The following VPS35L variants were observed in gnomAD, a reference collection of about 807,000 sequenced individuals.
VPS35L encodes the protein VPS35 endosomal protein-sorting factor-like.
A neutral mutation model predicts 133.0 loss-of-function variants in VPS35L; 83 were observed. The observed-to-expected ratio is 0.62, with a 90% CI of 0.52 to 0.75. The LOEUF (loss-of-function observed/expected upper bound fraction) is 0.75, where lower values mean the gene tolerates loss of function less well. Ranked by LOEUF, VPS35L falls within the 30% of genes least tolerant of loss-of-function variation. The pLI is 0.00. For missense variants in VPS35L, 1,083 were observed against 1,206.8 expected, an observed-to-expected ratio of 0.90 and a Z score of 1.52; for synonymous variants, 423 against 449.9, an observed-to-expected ratio of 0.94 and a Z score of 0.76.
intron 27 of VPS35L, among the ~76,000 whole-genome samples, chr16:19,680,426 A>C (rs772632228): frequency 1.3e-5 from 2 of 152,192 alleles, no homozygotes; most frequent in Non-Finnish European, 2.9e-5. Context: ...TGGAGGCGCC[A>C]TTAACAGAAT....
chr16:19,680,916 C>T (rs1043642623), intron 27 of VPS35L, among the ~76,000 whole-genome samples: 1 of 109,668 alleles, frequency 9.1e-6, no homozygotes, highest in African/African-American at 4.3e-5. Context: ...CAGAACCCGC[C>T]CCCCCCCTAA....
At chr16:19,589,838 T>A (rs2151526110) in intron 7 of VPS35L, among the ~76,000 whole-genome samples, 1 of 152,246 alleles carries the variant, frequency 6.6e-6, no homozygotes, top group Non-Finnish European at 1.5e-5. Context: ...TCTCTCTCTC[T>A]CACCTCACCA....
At chr16:19,578,942 C>A in intron 5 of VPS35L, 110 bp from the exon 6 acceptor site, 1 of 876,316 alleles carries the variant, frequency 1.1e-6, no homozygotes, top group South Asian at 1.4e-5. Flanking sequence ...ATAATGGAAT[C>A]ATTCCCTTGT....
chr16:19,691,569 C>A, intron 29 of VPS35L, 98 bp downstream of exon 29: 2 of 895,156 alleles, frequency 2.2e-6, no homozygotes, highest in East Asian at 2.6e-5. Flanking sequence ...GAAACTATGT[C>A]ATGTGAGTAA....
chr16:19,556,949 A>C (rs1396341205), intron 1 of VPS35L, among the ~76,000 whole-genome samples: 1 of 152,068 alleles, frequency 6.6e-6, no homozygotes, highest in African/African-American at 2.4e-5. Flanking sequence ...ACATGGCGAA[A>C]CCTAATCTCT....
In VPS35L at chr16:19,616,149, C is replaced by G. The variant is rs961125722; in HGVS notation, c.1059C>G (p.Thr353=). ...AAGTGGCCCCACATCTCAAAGAAAC[C>G]CTAAATAAGAACTTTTTTGACTTCC... The part of the protein sequence containing the change: ...GMEVAPHLKE[T]LNKNFFDFLL... Residue 353 remains threonine, a synonymous_variant, in exon 13 of 31, where the codon ACC becomes ACG. Transcript: ENST00000417362. 6 of 1,613,198 alleles carry G rather than the reference C, an allele frequency of 3.7e-6. No homozygotes were observed. The African/African-American group carries it at 8.0e-5, about 22-fold the overall frequency.
At chr16:19,623,772 ATT>A (rs1178596285) in intron 14 of VPS35L, among the ~76,000 whole-genome samples, 15 of 73,926 alleles carry the variant, frequency 2.0e-4, no homozygotes, top group Admixed American at 1.9e-3. Context: ...TTTATTTATT[ATT>A]ATTATTATTA....
intron 26 of VPS35L, among the ~76,000 whole-genome samples, chr16:19,655,788 C>T (rs985457552): frequency 1.3e-5 from 2 of 152,212 alleles, no homozygotes; most frequent in African/African-American, 4.8e-5. Context: ...TGCTTCTTAA[C>T]TGGAGATGGC....
At chr16:19,593,865 C>T (rs1972117909) in intron 8 of VPS35L, among the ~76,000 whole-genome samples, 1 of 149,940 alleles carries the variant, frequency 6.7e-6, no homozygotes, top group African/African-American at 2.5e-5. Context: ...TGCAGTGGGC[C>T]AAGATCACGC....
intron 12 of VPS35L, among the ~76,000 whole-genome samples, chr16:19,612,013 G>A (rs1356421004): frequency 4.1e-5 from 6 of 147,550 alleles, no homozygotes; most frequent in South Asian, 2.2e-4. Flanking sequence ...ATCTCAGCTC[G>A]CTCTAACCTC....
At chr16:19,616,382 A>G (rs575017388) in intron 13 of VPS35L, among the ~76,000 whole-genome samples, 191 bp downstream of exon 13, 1 of 152,296 alleles carries the variant, frequency 6.6e-6, no homozygotes, top group South Asian at 2.1e-4. Flanking sequence ...GAGAAAGTTA[A>G]TATGCATGTG....
At chr16:19,582,023 C>T (rs553560142) in intron 7 of VPS35L, 12 of 183,780 alleles carry the variant, frequency 6.5e-5, no homozygotes, top group South Asian at 1.7e-4. Flanking sequence ...ATTCCTTGAC[C>T]GCATTCGCTT....
intron 2 of VPS35L, among the ~76,000 whole-genome samples, chr16:19,568,306 CTT>C (rs569208292): frequency 4.1e-5 from 6 of 144,912 alleles, no homozygotes; most frequent in Admixed American, 6.9e-5. Flanking sequence ...CCGCCCCCCC[CTT>C]TTTTTTTTTT....
intron 8 of VPS35L, among the ~76,000 whole-genome samples, chr16:19,595,853 T>C (rs1972198246): frequency 6.6e-6 from 1 of 152,110 alleles, no homozygotes; most frequent in South Asian, 2.1e-4. Context: ...GCTTTATAGA[T>C]ATTAAGTCCC....
At chr16:19,664,120 G>A (rs1279534702) in intron 26 of VPS35L, among the ~76,000 whole-genome samples, 1 of 151,980 alleles carries the variant, frequency 6.6e-6, no homozygotes, top group Non-Finnish European at 1.5e-5. Context: ...AGCATCCCTG[G>A]CATTTACTCG....
intron 7 of VPS35L, among the ~76,000 whole-genome samples, chr16:19,589,172 A>G (rs1001017495): frequency 2.0e-5 from 3 of 152,168 alleles, no homozygotes; most frequent in Admixed American, 6.5e-5. Flanking sequence ...TATTCTGGAT[A>G]GTAATGGTCT....
rs767815980 is a variant in VPS35L at position 19,699,749 on chromosome 16, C to G, written c.2793+101C>G. The G allele has an allele frequency of 4.0e-5, 59 of 1,469,584 alleles. No individual in the cohort carries two copies. The highest frequency in any genetic ancestry group is 5.4e-5 in the Non-Finnish European group (58 of 1,075,882). 91.0% of individuals were successfully genotyped at this position (1,469,584 alleles called of 1,614,324 possible). ...TGGACATCAGACAGACAACCCCATACTCCCCTTTTAGAAAAGCACTTGGTC... is the reference window on the plus strand; with the variant it reads ...TGGACATCAGACAGACAACCCCATAGTCCCCTTTTAGAAAAGCACTTGGTC... On this transcript the variant is annotated intron_variant, in intron 30 of 30. Coordinates refer to ENST00000417362, the MANE Select transcript of VPS35L (RefSeq NM_020314.7). The surrounding 1 kb of genome is among the most constrained non-coding windows in gnomAD (Gnocchi z 4.2).
intron 5 of VPS35L, among the ~76,000 whole-genome samples, chr16:19,575,866 A>G (rs537246603): frequency 1.7e-4 from 25 of 144,464 alleles, no homozygotes; most frequent in Non-Finnish European, 1.8e-4. Context: ...AAAAAAATAT[A>G]TATATATGGC....
At chr16:19,686,960 C>T (rs1191625924) in intron 28 of VPS35L, among the ~76,000 whole-genome samples, 1 of 152,130 alleles carries the variant, frequency 6.6e-6, no homozygotes, top group African/African-American at 2.4e-5. Context: ...AAGATCGTGC[C>T]ACTGAACTCC....
Sources: allele counts gnomAD v4.1 joint callset (sites outside exome capture counted in the v4.1 genomes callset), GRCh38; gene constraint gnomAD v4.1.1; non-coding constraint Gnocchi (gnomAD v3.1); transcripts MANE v1.5; gene names NCBI Gene and HGNC (gene_info 2026-07-23, HGNC 2026-07-21).